Variants in EVA1A observed in about 807,000 individuals in gnomAD.
The protein encoded by EVA1A is eva-1 homolog A, regulator of programmed cell death, also known as protein eva-1 homolog A.
A neutral mutation model predicts 9.8 loss-of-function variants in EVA1A; 7 were observed. The ratio of observed to expected loss-of-function variants is 0.71; its 90% CI spans 0.41 to 1.34. EVA1A has a LOEUF of 1.34. Ranked by LOEUF, EVA1A falls within the 40% of genes most tolerant of loss-of-function variation. The pLI is 0.01. For missense variants in EVA1A, 206 were observed against 205.9 expected (o/e 1.00, Z 0.00); for synonymous variants, 90 against 85.6 (o/e 1.05, Z -0.28).
intron 1 of EVA1A, among the ~76,000 whole-genome samples, chr2:75,560,194 T>C (rs1463842552): frequency 1.3e-5 from 2 of 151,974 alleles, no homozygotes; most frequent in Non-Finnish European, 2.9e-5. Flanking sequence ...TTCGGGGTCC[T>C]GGGGGTCGCC....
chr2:75,540,662 T>C (rs1158068554), intron 1 of EVA1A: 1 of 152,160 alleles, frequency 6.6e-6, no homozygotes, highest in African/African-American at 2.4e-5. Flanking sequence ...AGAAAGTGAT[T>C]GAAGATGTTT....
At chr2:75,518,418 C>T (rs1400882148) in intron 2 of EVA1A, among the ~76,000 whole-genome samples, 4 of 152,088 alleles carry the variant, frequency 2.6e-5, no homozygotes, top group Non-Finnish European at 5.9e-5. Context: ...CCTTCAATTG[C>T]TTGTGAAAAC....
intron 1 of EVA1A, among the ~76,000 whole-genome samples, chr2:75,526,730 A>G (rs1279362568): frequency 6.6e-6 from 1 of 152,210 alleles, no homozygotes; most frequent in African/African-American, 2.4e-5. Flanking sequence ...GAAATTGAAC[A>G]GAAGTCAAAG....
At chr2:75,495,759 A>G (rs1481507635) in intron 3 of EVA1A, among the ~76,000 whole-genome samples, 1 of 152,310 alleles carries the variant, frequency 6.6e-6, no homozygotes, top group East Asian at 1.9e-4. Flanking sequence ...TACCCCCAAA[A>G]CTATTGAAAT....
chr2:75,569,481 T>C (rs1677084356), exon 1 of EVA1A: 1 of 152,592 alleles, frequency 6.6e-6, no homozygotes, highest in African/African-American at 2.4e-5. Context: ...CCTACCTTTG[T>C]GATCATTCCT....
chr2:75,554,627 C>A (rs1676639330), intron 1 of EVA1A, among the ~76,000 whole-genome samples: 2 of 152,300 alleles, frequency 1.3e-5, no homozygotes, highest in African/African-American at 2.4e-5. Context: ...CCTGGCTCTG[C>A]CTTTTAGTTG....
At chr2:75,508,200 TG>T (rs1209490439) in intron 3 of EVA1A, among the ~76,000 whole-genome samples, 1 of 152,158 alleles carries the variant, frequency 6.6e-6, no homozygotes, top group Non-Finnish European at 1.5e-5. Flanking sequence ...ATATGAAATC[TG>T]GGCACCTTGA....
Position 75,555,336 on chromosome 2 carries a change from TCC to T in EVA1A, c.-192+5342_-192+5343del, listed in dbSNP as rs1553421963. On this transcript the variant is annotated intron_variant, in intron 1 of 3. Transcript: ENST00000393913. The stretch of plus-strand genomic sequence containing the variant: ...CTCTCTCTCTCTCTCTCTCTCTCTC[TCC>T]CCCATCTCCCCTTCTTTCCCTCTGT... 5.8e-4 allele frequency among the ~76,000 whole-genome samples: 60 copies of T among 102,836 alleles called. 1 individual carries two copies. The highest frequency in any genetic ancestry group is 1.7e-3 in the African/African-American group (55 of 33,018). The allele number at this position is 102,836 out of a possible 152,430, so 67.5% of individuals were successfully genotyped here.
chr2:75,559,717 T>TTG (rs1676853413), intron 1 of EVA1A, among the ~76,000 whole-genome samples: 1 of 52,782 alleles, frequency 1.9e-5, no homozygotes, highest in Non-Finnish European at 3.6e-5. Flanking sequence ...GCGGGGGAGT[T>TTG]GGGGGGACGG....
chr2:75,493,204 G>A lies in EVA1A; in HGVS notation c.*32C>T, dbSNP rs1465380555. 1.7e-5 allele frequency: 27 copies of A among 1,576,182 alleles called. No homozygotes were observed. Among genetic ancestry groups the A allele is most frequent in the Non-Finnish European group, 2.3e-5 (27 of 1,160,584 alleles). On this transcript the variant is annotated 3_prime_UTR_variant, in exon 4 of 4. Transcript: ENST00000393913. ...CTGCAGACGCTCTCCTTTCCAGGCG[G>A]CCTCCAGTGGTTTCCGGGGTCCTGC...
intron 3 of EVA1A, among the ~76,000 whole-genome samples, chr2:75,513,636 G>C (rs1471934069): frequency 6.6e-6 from 1 of 152,144 alleles, no homozygotes; most frequent in African/African-American, 2.4e-5. Context: ...GACAACCAAA[G>C]TGTCCATCAA....
chr2:75,531,741 T>G (rs1486776689), intron 1 of EVA1A, among the ~76,000 whole-genome samples: 1 of 152,074 alleles, frequency 6.6e-6, no homozygotes, highest in Non-Finnish European at 1.5e-5. Context: ...AATAATACAG[T>G]GCAGTTTGGG....
At chr2:75,501,006 T>C (rs1674397645) in intron 3 of EVA1A, among the ~76,000 whole-genome samples, 1 of 151,506 alleles carries the variant, frequency 6.6e-6, no homozygotes, top group South Asian at 2.1e-4. Flanking sequence ...ACTCCTATTA[T>C]TTACCTTATT....
At chr2:75,568,543 T>C (rs2104012312) in intron 1 of EVA1A, among the ~76,000 whole-genome samples, 2 of 152,206 alleles carry the variant, frequency 1.3e-5, no homozygotes, top group Middle Eastern at 3.4e-3. Flanking sequence ...ATTTCTGAGA[T>C]GTTAGTGCAC....
chr2:75,536,628 C>G (rs1675911182), intron 1 of EVA1A, among the ~76,000 whole-genome samples: 1 of 152,078 alleles, frequency 6.6e-6, no homozygotes. Flanking sequence ...ATATCACTAA[C>G]AGACCCTGCA....
In EVA1A at chr2:75,518,855, G is replaced by A. The variant is rs1417033054; in HGVS notation, c.-68-647C>T. On this transcript the variant is annotated intron_variant, in intron 2 of 3. Coordinates refer to ENST00000393913, the MANE Select transcript of EVA1A (RefSeq NM_001135032.2). Reference sequence around the variant, plus strand: ...GGTCACTAAATGTGTGCCTTTGGCAGTGGTTCAGAGCTGGCTATCCCAGAA... The same window carrying A: ...GGTCACTAAATGTGTGCCTTTGGCAATGGTTCAGAGCTGGCTATCCCAGAA... 10 of 985,330 alleles carry A rather than the reference G, an allele frequency of 1.0e-5. No individual in the cohort carries two copies. In the African/African-American group the frequency reaches 1.2e-4, roughly 12 times the overall value. The allele number at this position is 985,330 out of a possible 1,614,324, so 61.0% of individuals were successfully genotyped here.
intron 1 of EVA1A, among the ~76,000 whole-genome samples, chr2:75,547,621 G>C (rs980398027): frequency 3.3e-5 from 5 of 152,046 alleles, no homozygotes; most frequent in African/African-American, 1.2e-4. Flanking sequence ...GAAACAACTA[G>C]ACATGTTCTC....
intron 3 of EVA1A, among the ~76,000 whole-genome samples, chr2:75,500,696 C>T (rs1380054526): frequency 6.6e-6 from 1 of 151,976 alleles, no homozygotes; most frequent in East Asian, 1.9e-4. Context: ...TCTCTTACCT[C>T]TCTCTCTATC....
chr2:75,515,263 G>T (rs1674963326), intron 3 of EVA1A, among the ~76,000 whole-genome samples: 1 of 152,098 alleles, frequency 6.6e-6, no homozygotes, highest in African/African-American at 2.4e-5. Flanking sequence ...GCCCATTGTG[G>T]TAAGCAGATA....
Sources: gnomAD v4.1 joint callset for allele counts (sites outside exome capture counted in the v4.1 genomes callset) on GRCh38, gnomAD v4.1.1 for gene constraint, MANE v1.5 for transcripts, NCBI Gene and HGNC (gene_info 2026-07-23, HGNC 2026-07-21) for gene names.